The following COG7 variants were observed in gnomAD, a reference collection of about 807,000 sequenced individuals.
The protein encoded by COG7 is component of oligomeric golgi complex 7.
Under a neutral mutation model 91.5 loss-of-function variants are expected in COG7, and 49 were observed. The ratio of observed to expected loss-of-function variants is 0.54; its 90% CI spans 0.43 to 0.68. The LOEUF is 0.68. Ranked by LOEUF, COG7 falls within the 30% of genes least tolerant of loss-of-function variation. COG7 has a pLI of 0.00. For synonymous variants in COG7, 365 were observed against 388.7 expected (o/e 0.94, Z 0.72); for missense variants, 895 against 961.3 (o/e 0.93, Z 0.91).
chr16:23,410,168 C>T, intron 11 of COG7, 127 bp downstream of exon 11: 1 of 750,248 alleles, frequency 1.3e-6, no homozygotes, highest in Non-Finnish European at 2.4e-6. Context: ...TATCTAGGTA[C>T]AGACAGTCCT....
rs1963143583 is a variant in COG7, at chr16:23,389,057, C to T, written c.2176G>A (p.Gly726Ser). Residue 726 changes from glycine to serine, a missense_variant, in exon 17 of 17, where the codon GGC (glycine) becomes AGC (serine). By Grantham distance (56) the Gly-to-Ser change is moderately conservative. Transcript: ENST00000307149. ...DYLINVMDAL[G>S]LQPSRTLQHI... ...TGGAGGGTGCGGGACGGCTGCAGGC[C>T]CAGGGCATCCATCACGTTGATCAGA... 10 of 1,613,778 alleles carry T rather than the reference C, an allele frequency of 6.2e-6. No homozygotes were observed. The highest frequency in any genetic ancestry group is 2.7e-5 in the African/African-American group (2 of 74,862).
At chr16:23,401,877 G>A (rs1421735099) in intron 13 of COG7, among the ~76,000 whole-genome samples, 2 of 151,988 alleles carry the variant, frequency 1.3e-5, no homozygotes, top group African/African-American at 2.4e-5. Context: ...GCAACCTGAC[G>A]AAACCCCGTC....
At chr16:23,447,530 T>C (rs1872910961) in intron 1 of COG7, among the ~76,000 whole-genome samples, 1 of 151,684 alleles carries the variant, frequency 6.6e-6, no homozygotes, top group African/African-American at 2.4e-5. Context: ...AACTCTTTAA[T>C]GTGACACTGA....
At chr16:23,424,284 C>T (rs139422933) in intron 7 of COG7, among the ~76,000 whole-genome samples, 212 of 126,862 alleles carry the variant, frequency 1.7e-3, no homozygotes, top group Admixed American at 4.9e-3. Flanking sequence ...GCAACAAGAG[C>T]GAAACTCCAT....
At chr16:23,436,043 C>A (rs1362891771) in intron 4 of COG7, among the ~76,000 whole-genome samples, 1 of 151,984 alleles carries the variant, frequency 6.6e-6, no homozygotes, top group Non-Finnish European at 1.5e-5. Flanking sequence ...TCAAAAATGT[C>A]CTAGGCAACA....
At chr16:23,391,455 G>A (rs1000258517) in intron 16 of COG7, among the ~76,000 whole-genome samples, 3 of 152,176 alleles carry the variant, frequency 2.0e-5, no homozygotes, top group African/African-American at 4.8e-5. Context: ...AAATGAGCAG[G>A]GGTCAGGAAC....
chr16:23,418,882 G>A (rs1963702777), intron 7 of COG7, 55 bp from the exon 8 acceptor site: 3 of 1,557,298 alleles, frequency 1.9e-6, no homozygotes, highest in Admixed American at 1.7e-5. Context: ...GAAATTAACT[G>A]TGGGAAAGCA....
At chr16:23,438,693 A>G (rs1443119142) in intron 4 of COG7, among the ~76,000 whole-genome samples, 1 of 152,126 alleles carries the variant, frequency 6.6e-6, no homozygotes, top group Non-Finnish European at 1.5e-5. Context: ...TCAAAACCAT[A>G]AGATACCATT....
At chr16:23,393,816 T>C (rs774253553) in intron 14 of COG7, among the ~76,000 whole-genome samples, 19 of 152,130 alleles carry the variant, frequency 1.2e-4, no homozygotes, top group Admixed American at 5.3e-4. Flanking sequence ...CCGAGGCGGA[T>C]GGATCTCCTG....
Position 23,403,827 on chromosome 16 carries a change from C to T in COG7, c.1670G>A (p.Gly557Glu). ...MEILYTLKEKGSSNHNLLAAP... is the reference protein window; with the variant it reads ...MEILYTLKEKESSNHNLLAAP... ...AGCCAGCAGGTTGTGGTTGCTTGAC[C>T]CTTTTTCCTAAGACAAGAAAATGCA... Residue 557 changes from glycine to glutamate, a missense_variant, in exon 13 of 17, where the codon GGG becomes GAG. Gly to Glu is a moderately conservative substitution (Grantham distance 98, BLOSUM62 -2). Transcript: ENST00000307149. 6.2e-7 allele frequency: 1 copy of T among 1,614,160 alleles called. No individual in the cohort carries two copies. Among genetic ancestry groups the T allele is most frequent in the South Asian group, 1.1e-5 (1 of 91,076 alleles).
At chr16:23,421,464 A>C (rs927120260) in intron 7 of COG7, among the ~76,000 whole-genome samples, 3 of 150,510 alleles carry the variant, frequency 2.0e-5, no homozygotes, top group African/African-American at 7.3e-5. Flanking sequence ...TATTTTAAAT[A>C]AATTGCTCTT....
intron 3 of COG7, among the ~76,000 whole-genome samples, chr16:23,444,759 G>A (rs1381853973): frequency 1.3e-5 from 2 of 152,010 alleles, no homozygotes; most frequent in East Asian, 1.9e-4. Context: ...TCCCACCTCA[G>A]CATCCCAAAG....
At chr16:23,398,808 C>A (rs1014548876) in intron 13 of COG7, among the ~76,000 whole-genome samples, 1 of 152,202 alleles carries the variant, frequency 6.6e-6, no homozygotes. Flanking sequence ...CTGTAGTCCC[C>A]CTGTGCGAGG....
At chr16:23,407,793 T>C (rs1195386252) in intron 11 of COG7, among the ~76,000 whole-genome samples, 1 of 151,996 alleles carries the variant, frequency 6.6e-6, no homozygotes, top group African/African-American at 2.4e-5. Flanking sequence ...CGGGGGACAG[T>C]TCAATGAGAC....
intron 11 of COG7, among the ~76,000 whole-genome samples, chr16:23,407,657 C>T (rs1048406188): frequency 1.4e-4 from 22 of 152,176 alleles, no homozygotes; most frequent in Admixed American, 1.2e-3. Context: ...TCCAACTGGA[C>T]GGTGAGGACA....
rs1194627889 is a variant in COG7, at chr16:23,416,948, C to T, written c.1292+19G>A. On this transcript the variant is annotated intron_variant, in intron 9 of 16. Transcript: ENST00000307149. ...CTGCTCCAATGTGGCCCGTCTGGTC[C>T]CCAGTTCCCCAGCCTTACTTGGCAA... 6.2e-7 allele frequency: 1 copy of T among 1,614,150 alleles called. No homozygotes were observed. Among genetic ancestry groups the T allele is most frequent in the Non-Finnish European group, 8.5e-7 (1 of 1,180,008 alleles).
intron 11 of COG7, among the ~76,000 whole-genome samples, chr16:23,409,010 G>A (rs988107942): frequency 2.6e-5 from 4 of 151,910 alleles, no homozygotes; most frequent in Non-Finnish European, 5.9e-5. Flanking sequence ...ACTAAGCCTG[G>A]AAAGGGACAG....
chr16:23,424,158 G>A (rs768201947), intron 7 of COG7, among the ~76,000 whole-genome samples: 3 of 152,074 alleles, frequency 2.0e-5, no homozygotes, highest in Non-Finnish European at 4.4e-5. Context: ...TTAGCCAGGC[G>A]TGGTGCTGCA....
intron 16 of COG7, among the ~76,000 whole-genome samples, chr16:23,390,824 C>T (rs1437019295): frequency 1.3e-5 from 2 of 152,248 alleles, no homozygotes; most frequent in African/African-American, 4.8e-5. Flanking sequence ...GGAAGAGCTG[C>T]TTCCCAGCAA....
Sources: allele counts gnomAD v4.1 joint callset (sites outside exome capture counted in the v4.1 genomes callset), GRCh38; gene constraint gnomAD v4.1.1; transcripts MANE v1.5; gene names NCBI Gene and HGNC (gene_info 2026-07-23, HGNC 2026-07-21).